The following PLEKHM3 variants were observed in gnomAD, a reference collection of about 807,000 sequenced individuals.
PLEKHM3 encodes the protein pleckstrin homology domain containing M3.
In PLEKHM3, 45 loss-of-function variants were observed where a neutral mutation model predicts 81.8. The ratio of observed to expected loss-of-function variants is 0.55; its 90% CI spans 0.43 to 0.71. The LOEUF (loss-of-function observed/expected upper bound fraction) is 0.71, where lower values mean the gene tolerates loss of function less well. Ranked by LOEUF, PLEKHM3 falls within the 30% of genes least tolerant of loss-of-function variation. The pLI is 0.00. For missense variants in PLEKHM3, 788 were observed against 924.3 expected (o/e 0.85, Z 1.91); for synonymous variants, 352 against 356.4 (o/e 0.99, Z 0.14).
At chr2:207,991,108 TG>T (rs1323801713) in intron 2 of PLEKHM3, among the ~76,000 whole-genome samples, 1 of 152,186 alleles carries the variant, frequency 6.6e-6, no homozygotes, top group East Asian at 1.9e-4. Flanking sequence ...CTGTCTTCTG[TG>T]ATGAGGGCAA....
chr2:207,880,530 G>A (rs957198229), intron 6 of PLEKHM3, among the ~76,000 whole-genome samples: 15 of 150,882 alleles, frequency 9.9e-5, no homozygotes, highest in African/African-American at 2.9e-4. Context: ...TTGGGAGGCC[G>A]AGACGGGCGG....
At chr2:207,954,686 C>A (rs1031862079) in intron 3 of PLEKHM3, among the ~76,000 whole-genome samples, 3 of 152,130 alleles carry the variant, frequency 2.0e-5, no homozygotes, top group Non-Finnish European at 4.4e-5. Context: ...TTTGGGTTTT[C>A]CCCCTCTGAA....
At chr2:207,948,919 C>T (rs1051212252) in intron 3 of PLEKHM3, among the ~76,000 whole-genome samples, 15 of 152,138 alleles carry the variant, frequency 9.9e-5, no homozygotes, top group African/African-American at 1.4e-4. Context: ...CCTCGTGATC[C>T]GCCTGCCTTG....
intron 6 of PLEKHM3, among the ~76,000 whole-genome samples, chr2:207,884,651 C>T (rs1687828343): frequency 6.6e-6 from 1 of 152,126 alleles, no homozygotes; most frequent in Non-Finnish European, 1.5e-5. Flanking sequence ...GCATGTAATA[C>T]ATTCTTCATT....
At position 207,977,424 on chromosome 2, in the gene PLEKHM3, T is replaced by C; in HGVS notation, c.773A>G (p.Gln258Arg). Residue 258 changes from glutamine (Q) to arginine (R), a missense_variant, in exon 3 of 8, where the codon CAG becomes CGG. Coordinates refer to ENST00000427836, the MANE Select transcript of PLEKHM3 (RefSeq NM_001080475.3). ...SGNQNLYATY[Q>R]LSHFQSISVL... ...AGATATGCTCTGGAAGTGTGAAAGC[T>C]GGTACGTGGCATAAAGGTTTTGATT... The C allele has an allele frequency of 6.2e-7, 1 of 1,614,184 alleles. No individual in the cohort carries two copies. Among genetic ancestry groups the C allele is most frequent in the Non-Finnish European group, 8.5e-7 (1 of 1,180,020 alleles).
At chr2:207,834,519 G>C (rs2092307233) in intron 7 of PLEKHM3, among the ~76,000 whole-genome samples, 1 of 150,502 alleles carries the variant, frequency 6.6e-6, no homozygotes, top group Non-Finnish European at 1.5e-5. Flanking sequence ...TCCACCTCCT[G>C]GGTTCAAGCA....
At chr2:207,969,194 G>A (rs572714527) in intron 3 of PLEKHM3, among the ~76,000 whole-genome samples, 101 of 152,270 alleles carry the variant, frequency 6.6e-4, no homozygotes, top group African/African-American at 2.0e-3. Flanking sequence ...TTTCAAGAGC[G>A]TAATACACAA....
At chr2:208,005,152 C>G (rs1692457380) in intron 1 of PLEKHM3, among the ~76,000 whole-genome samples, 1 of 152,170 alleles carries the variant, frequency 6.6e-6, no homozygotes, top group Non-Finnish European at 1.5e-5. Flanking sequence ...AAAATTATTA[C>G]AAAGATAATA....
In PLEKHM3 at chr2:207,884,175, T is replaced by C. The variant is rs141223271; in HGVS notation, c.1951-22913A>G. ...AAAAAACCACTCAACAAACTAGGAA[T>C]AGAAATGAACTTCCTTATCTGATAC... On this transcript the variant is annotated intron_variant, in intron 6 of 7. Transcript: ENST00000427836. Among the ~76,000 whole-genome samples, 670 of 95,292 alleles carry C rather than the reference T, an allele frequency of 7.0e-3. 4 individuals carry two copies. Among genetic ancestry groups the C allele is most frequent in the African/African-American group, 0.026 (631 of 24,178 alleles). The allele number at this position is 95,292 out of a possible 152,430, so 62.5% of individuals were successfully genotyped here. A position where few individuals can be genotyped will look rare whatever the true frequency, so the allele number is the denominator to read the frequency against.
At chr2:207,906,333 C>T (rs1375958970) in intron 6 of PLEKHM3, among the ~76,000 whole-genome samples, 2 of 152,160 alleles carry the variant, frequency 1.3e-5, no homozygotes, top group African/African-American at 2.4e-5. Context: ...CAGACCACTG[C>T]TGCTTGACTA....
At chr2:207,925,974 A>G (rs1479098523) in intron 5 of PLEKHM3, among the ~76,000 whole-genome samples, 2 of 151,910 alleles carry the variant, frequency 1.3e-5, no homozygotes, top group Non-Finnish European at 2.9e-5. Context: ...TATCTGAGAC[A>G]TCGACAAACT....
chr2:207,864,450 T>G (rs2092484853), intron 6 of PLEKHM3, among the ~76,000 whole-genome samples: 1 of 152,242 alleles, frequency 6.6e-6, no homozygotes, highest in Admixed American at 6.5e-5. Context: ...TTTCTCATTT[T>G]ACTCTTCTCT....
At chr2:207,890,170 A>G (rs1185200305) in intron 6 of PLEKHM3, among the ~76,000 whole-genome samples, 8 of 152,208 alleles carry the variant, frequency 5.3e-5, no homozygotes, top group Non-Finnish European at 1.2e-4. Context: ...ACGAGGTGAC[A>G]TCAGGAGTAT....
chr2:207,882,429 T>C (rs888131463), intron 6 of PLEKHM3, among the ~76,000 whole-genome samples: 3 of 152,054 alleles, frequency 2.0e-5, no homozygotes, highest in East Asian at 3.9e-4. Context: ...CTCACCAACA[T>C]GGTGAAACCC....
chr2:207,872,544 T>G (rs904028672), intron 6 of PLEKHM3, among the ~76,000 whole-genome samples: 6 of 152,180 alleles, frequency 3.9e-5, no homozygotes, highest in African/African-American at 9.7e-5. Context: ...ATCATCAACT[T>G]AAACCCGAGG....
intron 7 of PLEKHM3, among the ~76,000 whole-genome samples, chr2:207,848,735 C>T (rs1343352576): frequency 6.6e-6 from 1 of 152,144 alleles, no homozygotes; most frequent in Non-Finnish European, 1.5e-5. Context: ...TCCTCAGGAG[C>T]AGGGTGGTAT....
chr2:207,958,782 C>T (rs978790153), intron 3 of PLEKHM3, among the ~76,000 whole-genome samples: 9 of 152,196 alleles, frequency 5.9e-5, no homozygotes, highest in South Asian at 2.1e-4. Flanking sequence ...TGGTGGCACA[C>T]GCCTATAATC....
At chr2:207,900,221 C>T (rs1332730998) in intron 6 of PLEKHM3, 1 of 152,220 alleles carries the variant, frequency 6.6e-6, no homozygotes, top group Non-Finnish European at 1.5e-5. Context: ...CTTCACTCAT[C>T]TCTCTGGTGG....
chr2:207,925,398 C>G (rs572826188), intron 5 of PLEKHM3, among the ~76,000 whole-genome samples: 12 of 152,080 alleles, frequency 7.9e-5, no homozygotes, highest in Non-Finnish European at 1.6e-4. Context: ...GCCTCTTCTC[C>G]CCTGTTCACC....
Sources: allele counts gnomAD v4.1 joint callset (sites outside exome capture counted in the v4.1 genomes callset), GRCh38; gene constraint gnomAD v4.1.1; transcripts MANE v1.5; gene names NCBI Gene and HGNC (gene_info 2026-07-23, HGNC 2026-07-21).